Variants in NBEA observed in about 807,000 individuals in gnomAD.
NBEA encodes lysosomal-trafficking regulator 2.
Under a neutral mutation model 343.4 loss-of-function variants are expected in NBEA, and 44 were observed. The ratio of observed to expected loss-of-function variants is 0.13; its 90% CI spans 0.10 to 0.16. The LOEUF (loss-of-function observed/expected upper bound fraction) is 0.16, where lower values mean the gene tolerates loss of function less well. Ranked by LOEUF, NBEA falls within the 10% of genes least tolerant of loss-of-function variation. The pLI is 1.00. For synonymous variants in NBEA, 1,175 were observed against 1,238.7 expected, an observed-to-expected ratio of 0.95 and a Z score of 1.08; for missense variants, 2,555 against 3,631.3, an observed-to-expected ratio of 0.70 and a Z score of 7.62.
intron 40 of NBEA, among the ~76,000 whole-genome samples, chr13:35,462,840 G>A (rs904974159): frequency 2.0e-4 from 31 of 152,150 alleles, no homozygotes; most frequent in African/African-American, 7.5e-4. Flanking sequence ...GACTAGTGCA[G>A]GGAGTAAGAA....
chr13:35,327,401 A>G (rs933391763), intron 36 of NBEA, among the ~76,000 whole-genome samples: 2 of 152,118 alleles, frequency 1.3e-5, no homozygotes, highest in Non-Finnish European at 2.9e-5. Context: ...GGTGGATTGG[A>G]TAAAGAAAAT....
chr13:35,274,221 A>G (rs1200509244), intron 34 of NBEA, among the ~76,000 whole-genome samples: 2 of 152,242 alleles, frequency 1.3e-5, no homozygotes, highest in Non-Finnish European at 2.9e-5. Context: ...ATGTAAATCA[A>G]TAAACATAAT....
At chr13:34,981,084 T>C (rs1162800745) in intron 1 of NBEA, among the ~76,000 whole-genome samples, 1 of 152,158 alleles carries the variant, frequency 6.6e-6, no homozygotes, top group Admixed American at 6.5e-5. Flanking sequence ...TTATTTCCAA[T>C]TCCCACCCCC....
chr13:35,661,581 T>C (rs2085091891), intron 55 of NBEA, among the ~76,000 whole-genome samples: 1 of 152,176 alleles, frequency 6.6e-6, no homozygotes, highest in Admixed American at 6.5e-5. Context: ...TCCAAGTGTA[T>C]TTGATACTTG....
At position 35,450,563 on chromosome 13, in the gene NBEA, G is replaced by C. The variant is rs576143030; in HGVS notation, c.6305-1529G>C. On this transcript the variant is annotated intron_variant, in intron 39 of 58. Transcript: ENST00000379939. ...GTTGGAAGTTCTATGGTCTGGGCCT[G>C]GGTGAATTGACCAAAAGTATTGTAC... 2.0e-5 allele frequency among the ~76,000 whole-genome samples: 3 copies of C among 152,186 alleles called. No individual in the cohort carries two copies. In the East Asian group the frequency reaches 5.8e-4, roughly 29 times the overall value.
At chr13:35,572,825 A>C (rs966668906) in intron 45 of NBEA, among the ~76,000 whole-genome samples, 1 of 152,160 alleles carries the variant, frequency 6.6e-6, no homozygotes, top group Non-Finnish European at 1.5e-5. Context: ...TCTCAACTAG[A>C]GCAAGTTTCT....
intron 41 of NBEA, chr13:35,476,652 G>A: frequency 1.9e-6 from 1 of 540,110 alleles, no homozygotes; most frequent in African/African-American, 1.9e-5. Context: ...GTGAGTGTGC[G>A]TGTGTATATG....
At chr13:35,427,992 A>G (rs2044821967) in intron 38 of NBEA, among the ~76,000 whole-genome samples, 1 of 152,276 alleles carries the variant, frequency 6.6e-6, no homozygotes, top group Admixed American at 6.5e-5. Context: ...AAAGCGCAGT[A>G]TTAGGGTGGG....
intron 1 of NBEA, among the ~76,000 whole-genome samples, chr13:34,970,846 G>A (rs939927161): frequency 1.5e-4 from 23 of 152,120 alleles, no homozygotes; most frequent in African/African-American, 5.6e-4. Flanking sequence ...GGATTGCTCT[G>A]GCTATTCAGG....
intron 10 of NBEA, among the ~76,000 whole-genome samples, chr13:35,080,858 A>G (rs1364588191): frequency 6.6e-6 from 1 of 152,150 alleles, no homozygotes; most frequent in African/African-American, 2.4e-5. Flanking sequence ...ACAGATGGAA[A>G]TGAGATACAG....
In NBEA at chr13:35,028,568, C is replaced by T. The variant is rs539471354; in HGVS notation, c.295-12365C>T. 1.2e-4 allele frequency among the ~76,000 whole-genome samples: 18 copies of T among 151,748 alleles called. 1 individual carries two copies. The highest frequency in any genetic ancestry group is 4.1e-4 in the African/African-American group (17 of 41,500). ...AGATTCCTTGGTGATTTCTTTAGGC[C>T]GGTTCATGTCATATGCAGATGGAAC... On this transcript the variant is annotated intron_variant, in intron 1 of 58. Transcript: ENST00000379939.
intron 45 of NBEA, among the ~76,000 whole-genome samples, chr13:35,571,784 TTTGAG>T (rs2153029800): frequency 6.6e-6 from 1 of 152,300 alleles, no homozygotes; most frequent in African/African-American, 2.4e-5. Flanking sequence ...TTATCATCTA[TTTGAG>T]TTATCAAATT....
rs58973015 is a variant in NBEA at position 34,976,940 on chromosome 13, A to ATT, written c.294+33842_294+33843dup. Among the ~76,000 whole-genome samples, 164 of 129,636 alleles carry ATT rather than the reference A, an allele frequency of 1.3e-3. 1 individual carries two copies. The highest frequency in any genetic ancestry group is 2.8e-3 in the East Asian group (13 of 4,562). The allele number at this position is 129,636 out of a possible 152,430, so 85.0% of individuals were successfully genotyped here. A position where few individuals can be genotyped will look rare whatever the true frequency, so the allele number is the denominator to read the frequency against. On this transcript the variant is annotated intron_variant, in intron 1 of 58. Transcript: ENST00000379939. ...CTAGAGAACTTTTCTTTTTCTCTCTATTTTTTTTTTTTTTTTTGAGACAGA... is the reference window on the plus strand; with the variant it reads ...CTAGAGAACTTTTCTTTTTCTCTCTATTTTTTTTTTTTTTTTTTTGAGACAGA...
At chr13:35,281,930 T>A (rs2035077964) in intron 34 of NBEA, among the ~76,000 whole-genome samples, 1 of 152,010 alleles carries the variant, frequency 6.6e-6, no homozygotes, top group Non-Finnish European at 1.5e-5. Context: ...TTATTTATTT[T>A]GAGACGGAGT....
At chr13:35,198,543 A>G (rs2072789055) in intron 31 of NBEA, among the ~76,000 whole-genome samples, 3 of 152,292 alleles carry the variant, frequency 2.0e-5, no homozygotes, top group Admixed American at 2.0e-4. Flanking sequence ...ACTTTTGAGA[A>G]TATTGCTTTA....
At chr13:35,503,725 T>C (rs2076974266) in intron 41 of NBEA, among the ~76,000 whole-genome samples, 1 of 152,132 alleles carries the variant, frequency 6.6e-6, no homozygotes, top group Non-Finnish European at 1.5e-5. Context: ...AATTTTGTAC[T>C]AATATGTAAA....
chr13:35,568,742 T>C (rs1003174023), intron 45 of NBEA, among the ~76,000 whole-genome samples: 1 of 152,192 alleles, frequency 6.6e-6, no homozygotes, highest in African/African-American at 2.4e-5. Flanking sequence ...GCATCCCTAA[T>C]CTGAAAACCC....
intron 34 of NBEA, among the ~76,000 whole-genome samples, chr13:35,234,374 T>C (rs2075125331): frequency 6.6e-6 from 1 of 152,180 alleles, no homozygotes. Context: ...GCAGATTGTG[T>C]GTGTAATTTA....
At position 35,196,306 on chromosome 13, in the gene NBEA, G is replaced by A. The variant is rs745512250; in HGVS notation, c.5366+4G>A. The stretch of plus-strand genomic sequence containing the variant: ...TGCAGTTTCATTCCTTTGACAGGTA[G>A]GTACTGAACTTATTATTCACAGGGC... On this transcript the variant is annotated splice_donor_region_variant and intron_variant, in intron 31 of 58. Transcript: ENST00000379939. 45 of 1,597,104 alleles carry A rather than the reference G, an allele frequency of 2.8e-5. No homozygotes were observed. Among genetic ancestry groups the A allele is most frequent in the Non-Finnish European group, 3.8e-5 (45 of 1,171,712 alleles).
Sources: gnomAD v4.1 joint callset for allele counts (sites outside exome capture counted in the v4.1 genomes callset) on GRCh38, gnomAD v4.1.1 for gene constraint, MANE v1.5 for transcripts, NCBI Gene and HGNC (gene_info 2026-07-23, HGNC 2026-07-21) for gene names.